The following XIRP2 variants were observed in gnomAD, a reference collection of about 807,000 sequenced individuals.
XIRP2 encodes xin actin-binding repeat-containing protein 2.
Under a neutral mutation model 277.0 loss-of-function variants are expected in XIRP2, and 236 were observed. The ratio of observed to expected loss-of-function variants is 0.85; its 90% confidence interval spans 0.77 to 0.95. The LOEUF (loss-of-function observed/expected upper bound fraction) is 0.95, where lower values mean the gene tolerates loss of function less well. XIRP2 is among the 40% of genes least tolerant of loss of function. XIRP2 has a pLI of 0.00. For missense variants in XIRP2, 4,640 were observed against 4,157.5 expected (o/e 1.12, Z -3.19); for synonymous variants, 1,490 against 1,416.5 (o/e 1.05, Z -1.17).
At chr2:167,183,914 C>T (rs969071240) in intron 3 of XIRP2, among the ~76,000 whole-genome samples, 3 of 152,116 alleles carry the variant, frequency 2.0e-5, no homozygotes, top group Non-Finnish European at 4.4e-5. Flanking sequence ...AGCAGAGAGG[C>T]GCTGACCGCC....
chr2:167,026,217 C>G (rs1226818403), intron 2 of XIRP2, among the ~76,000 whole-genome samples: 1 of 152,140 alleles, frequency 6.6e-6, no homozygotes, highest in African/African-American at 2.4e-5. Flanking sequence ...TAATGGCCTT[C>G]TTTGTCTCTT....
chr2:167,258,415 G>C lies in XIRP2; in HGVS notation c.*598G>C. 6.2e-7 allele frequency: 1 copy of C among 1,613,316 alleles called. No homozygotes were observed. Among genetic ancestry groups the C allele is most frequent in the Non-Finnish European group, 8.5e-7 (1 of 1,179,632 alleles). On this transcript the variant is annotated 3_prime_UTR_variant, in exon 11 of 11. Coordinates refer to ENST00000409195, the MANE Select transcript of XIRP2 (RefSeq NM_152381.6). ...TTATAGGAATCAAAGAAATGAAAAT[G>C]CCTGAAGGAAGAAAAGATGAAAAGA...
intron 2 of XIRP2, among the ~76,000 whole-genome samples, chr2:167,029,529 A>G (rs1659629777): frequency 6.6e-6 from 1 of 152,082 alleles, no homozygotes; most frequent in African/African-American, 2.4e-5. Flanking sequence ...CATATGTTGA[A>G]CCAGCCTTGC....
At chr2:167,118,883 A>C (rs188101185) in intron 2 of XIRP2, among the ~76,000 whole-genome samples, 1 of 152,336 alleles carries the variant, frequency 6.6e-6, no homozygotes. Flanking sequence ...AGACCAAGAA[A>C]TAAGAAGAAA....
chr2:167,246,207 C>T lies in XIRP2; in HGVS notation c.4815C>T (p.Leu1605=). Residue 1605 remains leucine (L), a synonymous_variant, in exon 9 of 11, where the codon CTC becomes CTT. Transcript: ENST00000409195. The part of the protein sequence containing the change: ...IQKEEIIRAD[L]RNIMVNLLSK... ...AAGAAGAAATTATCAGGGCTGATCT[C>T]AGAAATATAATGGTGAACCTACTTT... The T allele has an allele frequency of 6.2e-7, 1 of 1,612,984 alleles. No individual in the cohort carries two copies. Among genetic ancestry groups the T allele is most frequent in the Admixed American group, 1.7e-5 (1 of 59,836 alleles).
intron 2 of XIRP2, among the ~76,000 whole-genome samples, chr2:166,987,421 G>A (rs749265796): frequency 6.6e-5 from 10 of 152,204 alleles, no homozygotes; most frequent in Non-Finnish European, 1.3e-4. Context: ...TATTGGACAT[G>A]TCTGCATGGA....
At chr2:167,015,033 G>A (rs1574164424) in intron 2 of XIRP2, among the ~76,000 whole-genome samples, 2 of 151,584 alleles carry the variant, frequency 1.3e-5, no homozygotes, top group Non-Finnish European at 2.9e-5. Flanking sequence ...CATTTGTAGT[G>A]GTTCAAGAAC....
At chr2:167,152,616 G>T (rs1459181024) in intron 3 of XIRP2, among the ~76,000 whole-genome samples, 1 of 152,078 alleles carries the variant, frequency 6.6e-6, no homozygotes, top group Non-Finnish European at 1.5e-5. Flanking sequence ...CAAGACAATA[G>T]ATTTGATGGC....
At chr2:167,132,683 A>G (rs1691418058) in intron 2 of XIRP2, among the ~76,000 whole-genome samples, 1 of 151,994 alleles carries the variant, frequency 6.6e-6, no homozygotes, top group Admixed American at 6.6e-5. Context: ...CCCTGCTCCC[A>G]CCTACTCTAT....
In XIRP2 at chr2:167,248,784, A is replaced by G. The variant is rs1695370908; in HGVS notation, c.7392A>G (p.Lys2464=). Residue 2464 remains lysine (K), a synonymous_variant, in exon 9 of 11, where the codon AAA becomes AAG. Coordinates refer to ENST00000409195, the MANE Select transcript of XIRP2 (RefSeq NM_152381.6). ...ECKITTSKDQ[K]KVMVMTSSEH... ...AAATTACTACCTCAAAGGATCAGAA[A>G]AAAGTAATGGTGATGACCAGCAGTG... 13 of 1,613,774 alleles carry G rather than the reference A, an allele frequency of 8.1e-6. No homozygotes were observed. The highest frequency in any genetic ancestry group is 1.1e-5 in the Non-Finnish European group (13 of 1,179,804).
chr2:167,106,500 G>A (rs913431062), intron 2 of XIRP2, among the ~76,000 whole-genome samples: 22 of 151,344 alleles, frequency 1.5e-4, no homozygotes, highest in Admixed American at 2.0e-4. Flanking sequence ...ACCTTTTTCC[G>A]GGTTCTATAT....
In XIRP2 at chr2:166,903,827, T is replaced by C. The variant is rs1684448313; in HGVS notation, c.345T>C (p.Asp115=). Residue 115 remains aspartate (D), a synonymous_variant, in exon 2 of 11, where the codon GAT becomes GAC. Coordinates refer to ENST00000409195, the MANE Select transcript of XIRP2 (RefSeq NM_152381.6). ...TTGAACGCTTTTCCATTGCCCTTGA[T>C]GAGCTGAGGAGTGTGTTTGAGGCTC... is the stretch of plus-strand genomic sequence containing the variant. ...RRIERFSIAL[D]ELRSVFEAPK... 1.2e-6 allele frequency: 2 copies of C among 1,613,526 alleles called. No individual in the cohort carries two copies. The highest frequency in any genetic ancestry group is 2.7e-5 in the African/African-American group (2 of 74,870).
rs374756210 is a variant in XIRP2, at chr2:166,977,773, G to A, written c.408+73883G>A. 1.8e-4 allele frequency among the ~76,000 whole-genome samples: 28 copies of A among 152,268 alleles called. No individual in the cohort carries two copies. In the East Asian group the frequency reaches 4.8e-3, roughly 26 times the overall value. On this transcript the variant is annotated intron_variant, in intron 2 of 10. Coordinates refer to ENST00000409195, the MANE Select transcript of XIRP2 (RefSeq NM_152381.6). ...CTGTTTTTCCAGCTTACTGCCTGCAGAAAATTACCAGGACCTGGTACAGAA... is the reference window on the plus strand; with the variant it reads ...CTGTTTTTCCAGCTTACTGCCTGCAAAAAATTACCAGGACCTGGTACAGAA...
intron 2 of XIRP2, among the ~76,000 whole-genome samples, chr2:167,014,609 A>T (rs1558948080): frequency 6.6e-6 from 1 of 151,760 alleles, no homozygotes; most frequent in Non-Finnish European, 1.5e-5. Flanking sequence ...ACCCAATAGG[A>T]CATCAGATAG....
chr2:167,174,980 T>C (rs1434433189), intron 3 of XIRP2, among the ~76,000 whole-genome samples: 1 of 152,166 alleles, frequency 6.6e-6, no homozygotes, highest in African/African-American at 2.4e-5. Flanking sequence ...CTTTTGTATT[T>C]GCTGAGGAGT....
chr2:167,181,357 A>G (rs1693002808), intron 3 of XIRP2, among the ~76,000 whole-genome samples: 1 of 152,196 alleles, frequency 6.6e-6, no homozygotes, highest in Non-Finnish European at 1.5e-5. Flanking sequence ...TATGTCATCC[A>G]AAACTGTGAT....
At chr2:166,980,251 GT>G (rs1342310022) in intron 2 of XIRP2, among the ~76,000 whole-genome samples, 1 of 151,930 alleles carries the variant, frequency 6.6e-6, no homozygotes, top group Non-Finnish European at 1.5e-5. Context: ...TACTCTAAGA[GT>G]TTTTATAAAT....
At chr2:167,172,246 C>T (rs913089226) in intron 3 of XIRP2, among the ~76,000 whole-genome samples, 4 of 152,008 alleles carry the variant, frequency 2.6e-5, no homozygotes, top group South Asian at 2.1e-4. Context: ...GGGGAGGGAG[C>T]GTACAAATAG....
Position 167,251,464 on chromosome 2 carries a change from G to A in XIRP2, c.10072G>A (p.Gly3358Arg). ...AKSNRRVYAK[G>R]ETNHNIQQES... ...GTCAAATAGAAGAGTTTATGCAAAGGGAGAAACAAACCATAACATACAACA... is the reference window on the plus strand; with the variant it reads ...GTCAAATAGAAGAGTTTATGCAAAGAGAGAAACAAACCATAACATACAACA... Residue 3358 changes from glycine (G) to arginine (R), a missense_variant, in exon 9 of 11, where the codon GGA becomes AGA. Gly to Arg is a moderately radical substitution (Grantham distance 125). Transcript: ENST00000409195. The A allele has an allele frequency of 1.2e-6, 2 of 1,613,574 alleles. No individual in the cohort carries two copies. The highest frequency in any genetic ancestry group is 1.7e-6 in the Non-Finnish European group (2 of 1,179,664).
Sources: gnomAD v4.1 joint callset for allele counts (sites outside exome capture counted in the v4.1 genomes callset) on GRCh38, gnomAD v4.1.1 for gene constraint, MANE v1.5 for transcripts, NCBI Gene and HGNC (gene_info 2026-07-23, HGNC 2026-07-21) for gene names.